The following ARK2N variants were observed in gnomAD, a reference collection of about 807,000 sequenced individuals.
The protein encoded by ARK2N is protein ARK2N.
At chr18:46,206,580 A>G in the ARK2N span, among the ~76,000 whole-genome samples, 2 of 152,132 alleles carry the variant, frequency 1.3e-5, no homozygotes, top group Admixed American at 6.6e-5. Flanking sequence ...TTAAATAATC[A>G]TTTCATCTCA....
At chr18:46,239,754 A>G in the ARK2N span, among the ~76,000 whole-genome samples, 1 of 152,054 alleles carries the variant, frequency 6.6e-6, no homozygotes, top group Non-Finnish European at 1.5e-5. Flanking sequence ...AACATTGTTG[A>G]GTATAGTCTT....
the ARK2N span, among the ~76,000 whole-genome samples, chr18:46,211,960 A>G: frequency 1.3e-5 from 2 of 152,340 alleles, no homozygotes; most frequent in African/African-American, 4.8e-5. Flanking sequence ...CAAAAACAAT[A>G]TATGCAGTAA....
chr18:46,196,002 CAG>C, the ARK2N span, among the ~76,000 whole-genome samples: 42 of 149,366 alleles, frequency 2.8e-4, no homozygotes, highest in African/African-American at 1.0e-3. Context: ...TTTTTTGAGA[CAG>C]AGTTTCACTT....
At chr18:46,199,896 C>G in the ARK2N span, among the ~76,000 whole-genome samples, 1 of 152,130 alleles carries the variant, frequency 6.6e-6, no homozygotes, top group African/African-American at 2.4e-5. Flanking sequence ...AGAACTAATA[C>G]AGAGTTCAGT....
chr18:46,201,986 C>T, the ARK2N span, among the ~76,000 whole-genome samples: 36 of 152,094 alleles, frequency 2.4e-4, no homozygotes, highest in African/African-American at 7.5e-4. Context: ...CCATGTTGGC[C>T]GAGATGGTCT....
chr18:46,256,885 TTAAA>T, the ARK2N span, among the ~76,000 whole-genome samples: 1 of 152,326 alleles, frequency 6.6e-6, no homozygotes, highest in East Asian at 1.9e-4. Context: ...AACATTGGGA[TTAAA>T]AAGCTGAGAA....
At chr18:46,203,838 C>T in the ARK2N span, among the ~76,000 whole-genome samples, 1 of 152,114 alleles carries the variant, frequency 6.6e-6, no homozygotes, top group Admixed American at 6.6e-5. Flanking sequence ...CTGCCTGCCT[C>T]GGCCTCTCAA....
chr18:46,239,608 T>G, the ARK2N span, among the ~76,000 whole-genome samples: 1 of 152,232 alleles, frequency 6.6e-6, no homozygotes, highest in African/African-American at 2.4e-5. Flanking sequence ...ACTAGATTCA[T>G]TCTTTTAAAA....
the ARK2N span, among the ~76,000 whole-genome samples, chr18:46,190,725 G>A: frequency 1.1e-3 from 166 of 152,186 alleles, 1 homozygote; most frequent in African/African-American, 4.0e-3. Context: ...CAGCCCCAGT[G>A]ACACCCCTGT....
chr18:46,262,941 T>A, the ARK2N span: 1 of 1,614,152 alleles, frequency 6.2e-7, no homozygotes, highest in African/African-American at 1.3e-5. Flanking sequence ...GTGTTCATCC[T>A]CGAGGTGGTG....
chr18:46,221,416 C>T, the ARK2N span, among the ~76,000 whole-genome samples: 6 of 150,880 alleles, frequency 4.0e-5, no homozygotes, highest in Admixed American at 6.6e-5. Context: ...AAAAATTAGC[C>T]GGGTGTGGTG....
chr18:46,266,322 G>T, the ARK2N span: 6 of 152,590 alleles, frequency 3.9e-5, no homozygotes, highest in Admixed American at 2.6e-4. Flanking sequence ...CTTTTTTAAG[G>T]CAAAGCAAGC....
chr18:46,188,997 C>T, the ARK2N span, among the ~76,000 whole-genome samples: 4 of 152,152 alleles, frequency 2.6e-5, no homozygotes, highest in African/African-American at 7.2e-5. Flanking sequence ...GGTGGATCAC[C>T]TGAGGTCAGG....
the ARK2N span, chr18:46,253,553 G>C: frequency 2.1e-6 from 2 of 948,378 alleles, no homozygotes; most frequent in Non-Finnish European, 3.1e-6. Flanking sequence ...CAGCTTATTT[G>C]ACAGTTTTGC....
chr18:46,240,378 A>G, the ARK2N span, among the ~76,000 whole-genome samples: 1 of 152,172 alleles, frequency 6.6e-6, no homozygotes, highest in Non-Finnish European at 1.5e-5. Context: ...CATCTTTCCT[A>G]CTCAGAAGGA....
At chr18:46,244,306 G>T in the ARK2N span, among the ~76,000 whole-genome samples, 4 of 152,078 alleles carry the variant, frequency 2.6e-5, no homozygotes, top group African/African-American at 9.7e-5. Flanking sequence ...AACTTATTTA[G>T]GATTTTTTTC....
At chr18:46,263,250 A>G in the ARK2N span, 2 of 857,688 alleles carry the variant, frequency 2.3e-6, no homozygotes, top group Non-Finnish European at 3.4e-6. Flanking sequence ...ACTCATGGAA[A>G]ATTCCCTCCT....
chr18:46,219,534 ATC>A, the ARK2N span, among the ~76,000 whole-genome samples: 1 of 149,518 alleles, frequency 6.7e-6, no homozygotes, highest in Non-Finnish European at 1.5e-5. Context: ...CAGTGGCGCG[ATC>A]TCTGCTCACT....
chr18:46,196,049 C>T, the ARK2N span, among the ~76,000 whole-genome samples: 2 of 151,636 alleles, frequency 1.3e-5, no homozygotes, highest in African/African-American at 2.4e-5. Context: ...GGTGCGATCT[C>T]GGCTCACAGC....
Sources: gnomAD v4.1 joint callset for allele counts (sites outside exome capture counted in the v4.1 genomes callset) on GRCh38, gnomAD v4.1.1 for gene constraint, MANE v1.5 for transcripts, NCBI Gene and HGNC (gene_info 2026-07-23, HGNC 2026-07-21) for gene names.